Variants in NRG1 observed in about 807,000 individuals in gnomAD.
The protein encoded by NRG1 is neuregulin 1, also known as pro-neuregulin-1, membrane-bound isoform.
NRG1 carries 18 observed loss-of-function variants against 63.8 expected under a neutral mutation model. That is an observed-to-expected ratio of 0.28 (90% confidence interval 0.19 to 0.42). NRG1 has a LOEUF of 0.42. Ranked by LOEUF, NRG1 falls within the 10% of genes least tolerant of loss-of-function variation. NRG1 has a pLI of 1.00. For missense variants in NRG1, 762 were observed against 814.7 expected (o/e 0.94, Z 0.79); for synonymous variants, 302 against 301.3 (o/e 1.00, Z -0.02).
At chr8:31,648,173 G>A (rs1383859719) in intron 1 of NRG1, among the ~76,000 whole-genome samples, 1 of 109,332 alleles carries the variant, frequency 9.1e-6, no homozygotes, top group Non-Finnish European at 1.7e-5. Context: ...TCGCTCTGTC[G>A]CCCAGGCTGG....
rs988324031 is a variant in NRG1 at position 31,640,662 on chromosome 8, T to C, written c.37+1231T>C. 6.2e-7 allele frequency: 1 copy of C among 1,608,428 alleles called. No homozygotes were observed. The highest frequency in any genetic ancestry group is 8.5e-7 in the Non-Finnish European group (1 of 1,178,266). On this transcript the variant is annotated intron_variant, in intron 1 of 10. Coordinates refer to the NRG1 transcript ENST00000519301. The surrounding 1 kb of genome is among the most constrained non-coding windows in gnomAD (Gnocchi z 6.3). ...GCGCGCCGGCCGCCTTCCGAGCCTC[T>C]TTCCCCCCTCTGGAGACGGGCCGGA...
intron 1 of NRG1, among the ~76,000 whole-genome samples, chr8:32,255,082 G>C (rs903270519): frequency 3.5e-4 from 53 of 152,154 alleles, no homozygotes; most frequent in Non-Finnish European, 7.6e-4. Context: ...GAGCCTGTGT[G>C]TGTCTTTGCA....
chr8:32,241,850 C>T (rs1848130421), intron 1 of NRG1, among the ~76,000 whole-genome samples: 2 of 151,836 alleles, frequency 1.3e-5, no homozygotes, highest in Admixed American at 6.6e-5. Flanking sequence ...CCTCGAACTC[C>T]TGGGCTTAAG....
intron 1 of NRG1, among the ~76,000 whole-genome samples, chr8:31,728,529 G>A (rs926697863): frequency 6.6e-6 from 1 of 152,022 alleles, no homozygotes; most frequent in South Asian, 2.1e-4. Flanking sequence ...TAGTTTTCAA[G>A]GAACTTTTCT....
At chr8:31,682,075 A>G (rs1808396234) in intron 1 of NRG1, among the ~76,000 whole-genome samples, 1 of 152,122 alleles carries the variant, frequency 6.6e-6, no homozygotes, top group African/African-American at 2.4e-5. Flanking sequence ...GAAGAGTTTC[A>G]CTTCCCTAAA....
chr8:31,793,785 G>T (rs924973058), intron 1 of NRG1, among the ~76,000 whole-genome samples: 5 of 152,156 alleles, frequency 3.3e-5, no homozygotes, highest in African/African-American at 1.2e-4. Context: ...TGGGGATGAT[G>T]ATGCTTTTTC....
intron 1 of NRG1, among the ~76,000 whole-genome samples, chr8:31,845,802 T>A (rs1454599318): frequency 6.6e-6 from 1 of 152,154 alleles, no homozygotes; most frequent in Non-Finnish European, 1.5e-5. Flanking sequence ...GTACATACCT[T>A]TTTATTTCTT....
chr8:32,364,147 A>G (rs1304159220), intron 1 of NRG1, among the ~76,000 whole-genome samples: 1 of 147,446 alleles, frequency 6.8e-6, no homozygotes, highest in African/African-American at 2.5e-5. Flanking sequence ...ACAAATATAC[A>G]TATATGTGTG....
Position 32,192,739 on chromosome 8 carries a change from C to G in NRG1, c.38-403089C>G, listed in dbSNP as rs934749976. Among the ~76,000 whole-genome samples, 10 of 152,036 alleles carry G rather than the reference C, an allele frequency of 6.6e-5. 1 individual carries two copies. The highest frequency in any genetic ancestry group is 6.6e-4 in the Admixed American group (10 of 15,248). ...ATGTACCAATGAATCTAGAATTAAA[C>G]TTGAAAAAAATAAGTAAGTAAAACA... is the stretch of plus-strand genomic sequence containing the variant. On this transcript the variant is annotated intron_variant, in intron 1 of 10. Transcript: ENST00000519301.
chr8:31,704,872 T>C (rs1482391240), intron 1 of NRG1, among the ~76,000 whole-genome samples: 5 of 151,412 alleles, frequency 3.3e-5, no homozygotes, highest in Non-Finnish European at 7.4e-5. Flanking sequence ...TATGATTCTC[T>C]CTCTCAAATA....
Position 31,718,027 on chromosome 8 carries a change from G to C in NRG1, c.37+78596G>C, listed in dbSNP as rs112268594. 7.6e-3 allele frequency among the ~76,000 whole-genome samples: 1,156 copies of C among 152,256 alleles called. 6 individuals carry two copies. The highest frequency in any genetic ancestry group is 0.026 in the African/African-American group (1,083 of 41,532). ...TAACATGTTTGATCTTTTTCTATCA[G>C]TCAGAGACATAAAAATGTCTTGACT... On this transcript the variant is annotated intron_variant, in intron 1 of 10. Coordinates refer to the NRG1 transcript ENST00000519301.
At chr8:32,321,633 T>G (rs1801405986) in intron 1 of NRG1, among the ~76,000 whole-genome samples, 1 of 151,848 alleles carries the variant, frequency 6.6e-6, no homozygotes, top group Admixed American at 6.6e-5. Context: ...ACCAATAGCT[T>G]CACTAGTGAT....
intron 5 of NRG1, among the ~76,000 whole-genome samples, chr8:32,724,091 T>C (rs1345151253): frequency 6.6e-6 from 1 of 152,254 alleles, no homozygotes; most frequent in African/African-American, 2.4e-5. Context: ...TGCTTTACCT[T>C]ATACTTTCTT....
chr8:32,279,376 C>T (rs908171623), intron 1 of NRG1, among the ~76,000 whole-genome samples: 7 of 152,234 alleles, frequency 4.6e-5, no homozygotes, highest in Non-Finnish European at 7.4e-5. Context: ...GTTTTTGAGA[C>T]GGAGTCTCAC....
chr8:32,071,050 T>G (rs1465008371), intron 1 of NRG1, among the ~76,000 whole-genome samples: 3 of 152,168 alleles, frequency 2.0e-5, no homozygotes, highest in African/African-American at 7.2e-5. Context: ...TGCTCTTTGC[T>G]GAACCACCTC....
At chr8:31,883,513 A>G (rs1033544989) in intron 1 of NRG1, among the ~76,000 whole-genome samples, 3 of 152,146 alleles carry the variant, frequency 2.0e-5, no homozygotes, top group African/African-American at 7.2e-5. Context: ...CAGATAATAC[A>G]TTACTTTTGG....
At chr8:32,466,598 A>T (rs1823094471) in intron 1 of NRG1, among the ~76,000 whole-genome samples, 1 of 152,188 alleles carries the variant, frequency 6.6e-6, no homozygotes, top group South Asian at 2.1e-4. Context: ...AATTGTTTGC[A>T]AGGATCATTG....
chr8:32,484,681 C>T (rs1163897944), intron 1 of NRG1, among the ~76,000 whole-genome samples: 3 of 151,954 alleles, frequency 2.0e-5, no homozygotes, highest in South Asian at 2.1e-4. Context: ...AATACGTTCT[C>T]AGCTTAGAAA....
At chr8:32,583,668 T>G (rs1841098293) in intron 1 of NRG1, among the ~76,000 whole-genome samples, 1 of 152,282 alleles carries the variant, frequency 6.6e-6, no homozygotes, top group African/African-American at 2.4e-5. Flanking sequence ...TGTTTAAAGC[T>G]CCCTTCAGAT....
Sources: allele counts gnomAD v4.1 joint callset (sites outside exome capture counted in the v4.1 genomes callset), GRCh38; gene constraint gnomAD v4.1.1; non-coding constraint Gnocchi (gnomAD v3.1); transcripts MANE v1.5; gene names NCBI Gene and HGNC (gene_info 2026-07-23, HGNC 2026-07-21).